Variants in CACNA1B observed in about 807,000 individuals in gnomAD.
The protein encoded by CACNA1B is calcium voltage-gated channel subunit alpha1 B.
CACNA1B carries 70 observed loss-of-function variants against 247.2 expected under a neutral mutation model. That is an observed-to-expected ratio of 0.28 (90% CI 0.23 to 0.35). CACNA1B has a LOEUF of 0.35. Ranked by LOEUF, CACNA1B falls within the 10% of genes least tolerant of loss-of-function variation. The pLI, the probability that CACNA1B is intolerant of heterozygous loss-of-function variation, is 1.00. For synonymous variants in CACNA1B, 1,231 were observed against 1,294.4 expected, an observed-to-expected ratio of 0.95 and a Z score of 1.05; for missense variants, 2,367 against 3,197.4, an observed-to-expected ratio of 0.74 and a Z score of 6.26.
rs138057571 is a variant in CACNA1B, at chr9:137,953,427, A to G, written c.1070+1050A>G. 2.1e-3 allele frequency among the ~76,000 whole-genome samples: 322 copies of G among 152,314 alleles called. 3 individuals are homozygous for G. The highest frequency in any genetic ancestry group is 4.1e-3 in the Admixed American group (62 of 15,308). On this transcript the variant is annotated intron_variant, in intron 7 of 46. Transcript: ENST00000371372. ...CACGCTGAGCAGGACAGGAGCAGCC[A>G]GAGTGGGGATGGCTGGAGCCGAAGC...
intron 6 of CACNA1B, among the ~76,000 whole-genome samples, chr9:137,937,406 A>G (rs11137317): frequency 0.26 from 39,956 of 152,012 alleles, 7,197 homozygotes; most frequent in African/African-American, 0.51. Flanking sequence ...GAATAAGAAA[A>G]TATGAACAAA....
At chr9:138,016,830 G>T (rs961139334) in intron 18 of CACNA1B, among the ~76,000 whole-genome samples, 4 of 152,264 alleles carry the variant, frequency 2.6e-5, no homozygotes, top group Non-Finnish European at 5.9e-5. Context: ...CAGCCGCACT[G>T]CCTGTCCTGG....
At chr9:138,008,555 C>T (rs1310618323) in intron 16 of CACNA1B, among the ~76,000 whole-genome samples, 1 of 152,180 alleles carries the variant, frequency 6.6e-6, no homozygotes, top group African/African-American at 2.4e-5. Context: ...TCCCTTGACC[C>T]CCAGGGAGGG....
In CACNA1B at chr9:138,114,563, C is replaced by T. The variant is rs4876928; in HGVS notation, c.5649+73C>T. ...GCTCTGGCATCCTTCGGGGGGTTGACGACGGGGGAGATGCACACCATTCTT... is the reference window on the plus strand; with the variant it reads ...GCTCTGGCATCCTTCGGGGGGTTGATGACGGGGGAGATGCACACCATTCTT... On this transcript the variant is annotated intron_variant, in intron 41 of 46. Coordinates refer to ENST00000371372, the MANE Select transcript of CACNA1B (RefSeq NM_000718.4). 151,068 of 718,474 alleles carry T rather than the reference C, an allele frequency of 0.21. 17,839 individuals carry two copies. Among genetic ancestry groups the T allele is most frequent in the Middle Eastern group, 0.32 (1,091 of 3,366 alleles). 44.5% of individuals were successfully genotyped at this position (718,474 alleles called of 1,614,324 possible). A position where few individuals can be genotyped will look rare whatever the true frequency, so the allele number is the denominator to read the frequency against.
chr9:138,005,832 A>G (rs1958640708), intron 15 of CACNA1B, among the ~76,000 whole-genome samples: 1 of 152,186 alleles, frequency 6.6e-6, no homozygotes, highest in African/African-American at 2.4e-5. Flanking sequence ...TCACGAGGTC[A>G]GGAGATGGAG....
At chr9:138,099,311 TTGTG>T (rs1023501302) in intron 37 of CACNA1B, among the ~76,000 whole-genome samples, 2 of 150,840 alleles carry the variant, frequency 1.3e-5, no homozygotes, top group East Asian at 1.9e-4. Flanking sequence ...ATGTTGACGT[TTGTG>T]TGTGCACATA....
Position 137,878,127 on chromosome 9 carries a change from A to G in CACNA1B, c.194A>G (p.Lys65Arg), listed in dbSNP as rs773341028. The change falls in exon 1 of 47, where the codon AAG becomes AGG. Residue 65 changes from lysine to arginine, a missense_variant. Coordinates refer to ENST00000371372, the MANE Select transcript of CACNA1B (RefSeq NM_000718.4). The stretch of plus-strand genomic sequence containing the variant: ...GCGCTGTACAACCCCATCCCGGTCA[A>G]GCAGAACTGCTTCACCGTCAACCGC... ...TMALYNPIPV[K>R]QNCFTVNRSL... is the part of the protein sequence containing the mutation. The G allele has an allele frequency of 7.5e-7, 1 of 1,333,770 alleles. No homozygotes were observed. The allele number at this position is 1,333,770 out of a possible 1,614,324, so 82.6% of individuals were successfully genotyped here.
chr9:137,983,496 A>T (rs1306962619), intron 12 of CACNA1B, among the ~76,000 whole-genome samples: 2 of 152,094 alleles, frequency 1.3e-5, no homozygotes, highest in African/African-American at 4.8e-5. Context: ...GGAAGGAGGG[A>T]CGTGTACCTT....
intron 34 of CACNA1B, among the ~76,000 whole-genome samples, chr9:138,074,506 G>T (rs1960246547): frequency 2.0e-5 from 3 of 152,226 alleles, no homozygotes; most frequent in Admixed American, 2.0e-4. Flanking sequence ...CTCCCAAAGT[G>T]CTGGGATTAC....
Position 138,023,829 on chromosome 9 carries a change from CG to C in CACNA1B, c.3068+22del. ...CAGCCCCGGTGAGTCCGCGGCTGGG[CG>C]GGGTCAGGGAGGGAAGGGTTGGCCG... On this transcript the variant is annotated intron_variant, in intron 19 of 46. Transcript: ENST00000371372. 2 of 1,238,514 alleles carry C rather than the reference CG, an allele frequency of 1.6e-6. No individual in the cohort carries two copies. Among genetic ancestry groups the C allele is most frequent in the Non-Finnish European group, 1.2e-6 (1 of 864,326 alleles). 76.7% of individuals were successfully genotyped at this position (1,238,514 alleles called of 1,614,324 possible).
chr9:137,970,336 A>G (rs1182825424), intron 10 of CACNA1B, among the ~76,000 whole-genome samples: 1 of 152,192 alleles, frequency 6.6e-6, no homozygotes, highest in Non-Finnish European at 1.5e-5. Context: ...AGAAACCCTT[A>G]CACAGGCAGA....
intron 35 of CACNA1B, among the ~76,000 whole-genome samples, chr9:138,077,606 G>C (rs940743408): frequency 6.6e-6 from 1 of 152,140 alleles, no homozygotes; most frequent in Admixed American, 6.5e-5. Context: ...GATAGGCTCA[G>C]AAGCTTCCAT....
Position 138,107,218 on chromosome 9 carries a change from TTTTATTTA to T in CACNA1B, c.5428+1453_5428+1460del, listed in dbSNP as rs56043117. Among the ~76,000 whole-genome samples the T allele has an allele frequency of 5.7e-3, 771 of 135,772 alleles. 8 individuals carry two copies. The highest frequency in any genetic ancestry group is 0.014 in the Middle Eastern group (4 of 276). The allele number at this position is 135,772 out of a possible 152,430, so 89.1% of individuals were successfully genotyped here. ...AGCCGAAACCTTAGAAATCATCTTA[TTTTATTTA>T]TTTATTTATTTATTTATTTATTTAT... On this transcript the variant is annotated intron_variant, in intron 39 of 46. Coordinates refer to ENST00000371372, the MANE Select transcript of CACNA1B (RefSeq NM_000718.4).
At chr9:138,024,883 C>G in intron 19 of CACNA1B, 72 bp from the exon 20 acceptor site, 1 of 1,081,514 alleles carries the variant, frequency 9.2e-7, no homozygotes, top group African/African-American at 1.6e-5. Context: ...ATCCTCCTGC[C>G]TCTGCCTCCC....
rs1337297549 is a variant in CACNA1B at position 137,974,738 on chromosome 9, A to T, written c.1544-1169A>T. 6.6e-6 allele frequency among the ~76,000 whole-genome samples: 1 copy of T among 152,038 alleles called. No individual in the cohort carries two copies. Among genetic ancestry groups the T allele is most frequent in the Non-Finnish European group, 1.5e-5 (1 of 67,986 alleles). On this transcript the variant is annotated intron_variant, in intron 11 of 46. Transcript: ENST00000371372. The surrounding 1 kb of genome is among the most constrained non-coding windows in gnomAD (Gnocchi z 4.5). ...GTCCCAACAGAGACTGTAGAGGGGGATTCAGAAGCCCTGGGAAGGCCGAGC... is the reference window on the plus strand; with the variant it reads ...GTCCCAACAGAGACTGTAGAGGGGGTTTCAGAAGCCCTGGGAAGGCCGAGC...
chr9:138,066,946 C>A (rs1350550242), intron 31 of CACNA1B, among the ~76,000 whole-genome samples: 1 of 152,048 alleles, frequency 6.6e-6, no homozygotes, highest in Non-Finnish European at 1.5e-5. Context: ...AAACTTAGTT[C>A]TTTAAAGACT....
chr9:137,884,642 T>C (rs1359023824), intron 3 of CACNA1B, among the ~76,000 whole-genome samples: 1 of 150,726 alleles, frequency 6.6e-6, no homozygotes, highest in Non-Finnish European at 1.5e-5. Flanking sequence ...GCAGTGTGCC[T>C]CTGCTGAAGT....
chr9:137,962,867 G>A (rs1251223096), intron 10 of CACNA1B, among the ~76,000 whole-genome samples: 1 of 152,096 alleles, frequency 6.6e-6, no homozygotes, highest in Non-Finnish European at 1.5e-5. Flanking sequence ...GTTGTCTTTG[G>A]GTGGAGAGTT....
intron 35 of CACNA1B, among the ~76,000 whole-genome samples, chr9:138,077,172 C>CT (rs1164986928): frequency 6.6e-6 from 1 of 152,186 alleles, no homozygotes; most frequent in Admixed American, 6.5e-5. Flanking sequence ...AGGAACCCCC[C>CT]TGCCTCCGGC....
Sources: allele counts gnomAD v4.1 joint callset (sites outside exome capture counted in the v4.1 genomes callset), GRCh38; gene constraint gnomAD v4.1.1; non-coding constraint Gnocchi (gnomAD v3.1); transcripts MANE v1.5; gene names NCBI Gene and HGNC (gene_info 2026-07-23, HGNC 2026-07-21).